Variants in DCC observed in about 807,000 individuals in gnomAD.
DCC encodes netrin receptor DCC.
A neutral mutation model predicts 172.5 loss-of-function variants in DCC; 58 were observed. The observed-to-expected ratio is 0.34, with a 90% confidence interval of 0.27 to 0.42. The LOEUF is 0.42. DCC is among the 10% of genes least tolerant of loss of function. The pLI is 1.00. For missense variants in DCC, 1,740 were observed against 1,791.0 expected (o/e 0.97, Z 0.51); for synonymous variants, 709 against 644.5 (o/e 1.10, Z -1.52).
At chr18:52,810,405 G>A (rs1437653653) in intron 2 of DCC, among the ~76,000 whole-genome samples, 1 of 152,196 alleles carries the variant, frequency 6.6e-6, no homozygotes, top group Non-Finnish European at 1.5e-5. Flanking sequence ...GCTCACCTAT[G>A]TTATAGCTTA....
intron 1 of DCC, among the ~76,000 whole-genome samples, chr18:52,609,410 G>C (rs1331592099): frequency 1.2e-5 from 1 of 81,942 alleles, no homozygotes; most frequent in South Asian, 3.1e-4. Flanking sequence ...CTAGTATGCC[G>C]GGTGGCTTAA....
intron 1 of DCC, among the ~76,000 whole-genome samples, chr18:52,473,175 A>G (rs1445288298): frequency 6.6e-6 from 1 of 152,222 alleles, no homozygotes; most frequent in Non-Finnish European, 1.5e-5. Flanking sequence ...ACACTGAACT[A>G]GGAGTCAAAA....
intron 2 of DCC, among the ~76,000 whole-genome samples, chr18:52,805,486 G>C (rs917951979): frequency 6.6e-6 from 1 of 152,196 alleles, no homozygotes; most frequent in Non-Finnish European, 1.5e-5. Context: ...AATGGAGAAG[G>C]TAGGGAGGAG....
intron 26 of DCC, among the ~76,000 whole-genome samples, chr18:53,490,195 G>A (rs1238856980): frequency 6.6e-6 from 1 of 151,680 alleles, no homozygotes; most frequent in East Asian, 1.9e-4. Context: ...GTGCAATGGA[G>A]TTCATAGAGT....
At chr18:53,158,176 T>C (rs1004031374) in intron 8 of DCC, among the ~76,000 whole-genome samples, 2 of 152,180 alleles carry the variant, frequency 1.3e-5, no homozygotes, top group Non-Finnish European at 2.9e-5. Context: ...ATACTTACCT[T>C]GCAAGGCTTT....
chr18:52,826,478 TTC>T (rs1179548232), intron 2 of DCC, among the ~76,000 whole-genome samples: 1 of 151,832 alleles, frequency 6.6e-6, no homozygotes, highest in African/African-American at 2.4e-5. Context: ...ATTTCTTCCA[TTC>T]TCTTTTTTTT....
At chr18:52,525,571 G>A (rs1411053905) in intron 1 of DCC, among the ~76,000 whole-genome samples, 1 of 152,190 alleles carries the variant, frequency 6.6e-6, no homozygotes, top group African/African-American at 2.4e-5. Flanking sequence ...ACCGCATAAA[G>A]CCTAAATTAT....
chr18:52,907,702 G>A (rs1206117559), intron 3 of DCC, among the ~76,000 whole-genome samples: 1 of 152,064 alleles, frequency 6.6e-6, no homozygotes, highest in African/African-American at 2.4e-5. Context: ...GATTACAGGC[G>A]TGAGCCACTG....
intron 5 of DCC, among the ~76,000 whole-genome samples, chr18:53,013,943 A>G (rs2041768873): frequency 6.6e-6 from 1 of 152,176 alleles, no homozygotes; most frequent in South Asian, 2.1e-4. Context: ...ATAGATACTT[A>G]TACATGGTGA....
At chr18:52,750,257 G>A (rs1185934374) in intron 1 of DCC, among the ~76,000 whole-genome samples, 1 of 152,088 alleles carries the variant, frequency 6.6e-6, no homozygotes, top group Non-Finnish European at 1.5e-5. Context: ...ACCTTTCTGA[G>A]TCATGAATTT....
rs561860470 is a variant in DCC at position 52,903,819 on chromosome 18, A to G, written c.413-2225A>G. On this transcript the variant is annotated intron_variant, in intron 2 of 28. Transcript: ENST00000442544. ...TTGCTTTGTGTGGTAGACACAGATC[A>G]TGCTCTGTTTAAGTACATGCCTTAA... 8.5e-5 allele frequency among the ~76,000 whole-genome samples: 13 copies of G among 152,336 alleles called. No homozygotes were observed. In the East Asian group the frequency reaches 2.5e-3, roughly 29 times the overall value.
At chr18:52,586,525 T>G (rs969805212) in intron 1 of DCC, among the ~76,000 whole-genome samples, 1 of 152,172 alleles carries the variant, frequency 6.6e-6, no homozygotes, top group African/African-American at 2.4e-5. Context: ...AACTTCCAGT[T>G]TAATGGCATC....
At chr18:52,680,441 C>G (rs1232985174) in intron 1 of DCC, among the ~76,000 whole-genome samples, 2 of 152,136 alleles carry the variant, frequency 1.3e-5, no homozygotes, top group African/African-American at 4.8e-5. Context: ...TCCTGGATGT[C>G]TTATCCCAAA....
intron 7 of DCC, among the ~76,000 whole-genome samples, chr18:53,075,028 G>A (rs1002673130): frequency 1.1e-4 from 16 of 152,104 alleles, no homozygotes; most frequent in African/African-American, 3.4e-4. Flanking sequence ...GTTTTGTTTA[G>A]TCTCAAGAAA....
At chr18:52,516,070 C>A (rs1035102808) in intron 1 of DCC, among the ~76,000 whole-genome samples, 4 of 151,734 alleles carry the variant, frequency 2.6e-5, no homozygotes, top group Non-Finnish European at 5.9e-5. Flanking sequence ...ACACACCTAA[C>A]AGAATAAAAA....
chr18:52,508,937 A>ACG (rs1477040529), intron 1 of DCC, among the ~76,000 whole-genome samples: 1 of 152,258 alleles, frequency 6.6e-6, no homozygotes, highest in African/African-American at 2.4e-5. Context: ...GCCACTGGCC[A>ACG]CGTGTGCCTG....
chr18:52,370,713 TTAAAA>T (rs545736637), intron 1 of DCC, among the ~76,000 whole-genome samples: 79 of 152,226 alleles, frequency 5.2e-4, no homozygotes, highest in African/African-American at 1.8e-3. Flanking sequence ...ACCCTGCAAC[TTAAAA>T]TAAAAGTTAA....
intron 1 of DCC, among the ~76,000 whole-genome samples, chr18:52,390,817 T>A (rs950897646): frequency 1.3e-5 from 2 of 152,090 alleles, no homozygotes; most frequent in South Asian, 4.1e-4. Flanking sequence ...GATCACTAAG[T>A]CAGAAATTGT....
rs372910352 is a variant in DCC at position 52,906,122 on chromosome 18, T to C, written c.491T>C (p.Ile164Thr). 5.3e-5 allele frequency: 85 copies of C among 1,613,988 alleles called. No individual in the cohort carries two copies. The highest frequency in any genetic ancestry group is 1.9e-4 in the African/African-American group (14 of 74,926). Residue 164 changes from isoleucine (I) to threonine (T), a missense_variant, in exon 3 of 29, where the codon ATT becomes ACT. Coordinates refer to ENST00000442544, the MANE Select transcript of DCC (RefSeq NM_005215.4). ...GDTVLLKCEV[I>T]GEPMPTIHWQ... is the part of the protein sequence containing the mutation. Reference sequence around the variant, plus strand: ...ACAGTGCTACTCAAGTGTGAAGTCATTGGGGAGCCCATGCCAACAATCCAC... The same window carrying C: ...ACAGTGCTACTCAAGTGTGAAGTCACTGGGGAGCCCATGCCAACAATCCAC...
Sources: gnomAD v4.1 joint callset for allele counts (sites outside exome capture counted in the v4.1 genomes callset) on GRCh38, gnomAD v4.1.1 for gene constraint, MANE v1.5 for transcripts, NCBI Gene and HGNC (gene_info 2026-07-23, HGNC 2026-07-21) for gene names.